The following TNFRSF10D variants were observed in gnomAD, a reference collection of about 807,000 sequenced individuals.
The protein encoded by TNFRSF10D is tumor necrosis factor receptor superfamily member 10D.
In TNFRSF10D, 28 loss-of-function variants were observed where a neutral mutation model predicts 42.1. That is an observed-to-expected ratio of 0.66 (90% CI 0.49 to 0.91). TNFRSF10D has a LOEUF of 0.91. Among genes scored for constraint, TNFRSF10D ranks in the 40% least tolerant of loss-of-function variants. The pLI is 0.00. For synonymous variants in TNFRSF10D, 186 were observed against 189.4 expected (o/e 0.98, Z 0.15); for missense variants, 503 against 486.1 (o/e 1.03, Z -0.33).
chr8:23,160,597 C>A (rs946395773), intron 1 of TNFRSF10D, among the ~76,000 whole-genome samples: 6 of 152,034 alleles, frequency 3.9e-5, no homozygotes, highest in African/African-American at 1.5e-4. Context: ...AAATCCACTA[C>A]ACGAAGATGT....
intron 7 of TNFRSF10D, among the ~76,000 whole-genome samples, chr8:23,140,385 C>T (rs1814441212): frequency 9.5e-6 from 1 of 105,414 alleles, no homozygotes; most frequent in East Asian, 2.3e-4. Flanking sequence ...GACACACACA[C>T]ACACACACAC....
Position 23,137,768 on chromosome 8 carries a change from T to G in TNFRSF10D, c.*102A>C. The G allele has an allele frequency of 6.8e-7, 1 of 1,462,692 alleles. No homozygotes were observed. Among genetic ancestry groups the G allele is most frequent in the Non-Finnish European group, 9.2e-7 (1 of 1,089,066 alleles). The allele number at this position is 1,462,692 out of a possible 1,614,324, so 90.6% of individuals were successfully genotyped here. On this transcript the variant is annotated 3_prime_UTR_variant, in exon 9 of 9. Coordinates refer to ENST00000312584, the MANE Select transcript of TNFRSF10D (RefSeq NM_003840.5). ...CTGCCCCATATTGGATAGTAGAGTTTGTTGGGGCATGGGTCAAGTACTGGA... is the reference window on the plus strand; with the variant it reads ...CTGCCCCATATTGGATAGTAGAGTTGGTTGGGGCATGGGTCAAGTACTGGA...
chr8:23,148,064 CCCAAAA>C (rs1214815892), intron 3 of TNFRSF10D, among the ~76,000 whole-genome samples: 7 of 49,214 alleles, frequency 1.4e-4, no homozygotes, highest in Admixed American at 2.6e-4. Flanking sequence ...GACTCCGTCT[CCCAAAA>C]AAAAAAAAAA....
rs541806337 is a variant in TNFRSF10D, at chr8:23,160,078, A to G, written c.150+3708T>C. Among the ~76,000 whole-genome samples the G allele has an allele frequency of 4.5e-4, 68 of 152,250 alleles. 1 individual carries two copies. The South Asian group carries it at 0.011, about 25-fold the overall frequency. ...GGCCTCTCTGGAGGAGGGGGAGGCA[A>G]TGGTGGTGAGATATCAGGCCTCCCT... On this transcript the variant is annotated intron_variant, in intron 1 of 8. Transcript: ENST00000312584.
At chr8:23,138,345 C>T in intron 7 of TNFRSF10D, 85 bp from the exon 8 acceptor site, 1 of 1,449,554 alleles carries the variant, frequency 6.9e-7, no homozygotes, top group South Asian at 1.1e-5. Context: ...CAGCAAGAGA[C>T]CTGCAGCGCT....
chr8:23,149,054 G>A (rs1055879545), intron 2 of TNFRSF10D, among the ~76,000 whole-genome samples: 45 of 151,034 alleles, frequency 3.0e-4, no homozygotes, highest in African/African-American at 1.1e-3. Flanking sequence ...GCCGGGCGTG[G>A]TGGCAGGCAC....
intron 4 of TNFRSF10D, 118 bp from the exon 5 acceptor site, chr8:23,146,039 C>T: frequency 1.4e-6 from 2 of 1,409,736 alleles, no homozygotes; most frequent in Non-Finnish European, 2.0e-6. Context: ...GGACAGGCTC[C>T]TCGTGTCAGC....
At chr8:23,146,519 C>T (rs186735378) in intron 4 of TNFRSF10D, among the ~76,000 whole-genome samples, 939 of 152,094 alleles carry the variant, frequency 6.2e-3, no homozygotes, top group African/African-American at 0.019. Context: ...TTGTGGGCTA[C>T]GGACACTTTT....
intron 1 of TNFRSF10D, among the ~76,000 whole-genome samples, chr8:23,159,629 T>G (rs1277336732): frequency 6.6e-6 from 1 of 151,980 alleles, no homozygotes; most frequent in East Asian, 1.9e-4. Flanking sequence ...TTTGGAAGGC[T>G]GAGATGGGCG....
chr8:23,160,566 C>G (rs985264795), intron 1 of TNFRSF10D, among the ~76,000 whole-genome samples: 2 of 152,164 alleles, frequency 1.3e-5, no homozygotes, highest in African/African-American at 4.8e-5. Context: ...AACCTGCCCT[C>G]ATGTCCCCTG....
chr8:23,156,896 T>G (rs1341428199), intron 1 of TNFRSF10D, among the ~76,000 whole-genome samples: 5 of 152,240 alleles, frequency 3.3e-5, no homozygotes, highest in Non-Finnish European at 7.3e-5. Flanking sequence ...GTGGTTTCTA[T>G]TCTATTTCCT....
chr8:23,143,357 AGTGGCTTATGCCT>A (rs1252512897), intron 7 of TNFRSF10D, among the ~76,000 whole-genome samples: 1 of 142,928 alleles, frequency 7.0e-6, no homozygotes, highest in African/African-American at 2.5e-5. Flanking sequence ...GGCCAGGTGC[AGTGGCTTATGCCT>A]GTAATCCCAC....
intron 1 of TNFRSF10D, among the ~76,000 whole-genome samples, chr8:23,159,243 G>A (rs1585266165): frequency 2.0e-5 from 3 of 152,200 alleles, no homozygotes; most frequent in Middle Eastern, 3.4e-3. Context: ...GTGAGCCATC[G>A]CACCTGCCCA....
In TNFRSF10D at chr8:23,144,298, C is replaced by G. The variant is rs1800077424; in HGVS notation, c.954+152G>C. ...CTGCAGACTGGCACGGTCACCACCT[C>G]AGTGCAGCTGCTCCGTCCCCTGCAG... On this transcript the variant is annotated intron_variant, in intron 7 of 8. Coordinates refer to ENST00000312584, the MANE Select transcript of TNFRSF10D (RefSeq NM_003840.5). The G allele has an allele frequency of 1.2e-5, 10 of 826,768 alleles. No individual in the cohort carries two copies. The South Asian group carries it at 1.7e-4, about 14-fold the overall frequency. The allele number at this position is 826,768 out of a possible 1,614,324, so 51.2% of individuals were successfully genotyped here. A position where few individuals can be genotyped will look rare whatever the true frequency, so the allele number is the denominator to read the frequency against.
intron 7 of TNFRSF10D, among the ~76,000 whole-genome samples, chr8:23,139,776 C>T (rs1217221958): frequency 6.6e-6 from 1 of 152,220 alleles, no homozygotes; most frequent in Non-Finnish European, 1.5e-5. Context: ...CCTTGGAAAC[C>T]CTAAATACTC....
In TNFRSF10D at chr8:23,147,013, C is replaced by G. The variant is rs748742435; in HGVS notation, c.430G>C (p.Gly144Arg). ...GGGGAGTTTTTATCCTGGAAGCTTC[C>G]TTTTTCACACTGACACACGGTGTCT... ...TRDTVCQCEKGSFQDKNSPEM... is the reference protein window; with the variant it reads ...TRDTVCQCEKRSFQDKNSPEM... The change falls in exon 4 of 9, where the codon GGA (glycine) becomes CGA (arginine). Residue 144 changes from glycine to arginine, a missense_variant. Gly to Arg is a moderately radical substitution (Grantham distance 125, BLOSUM62 -2). Coordinates refer to ENST00000312584, the MANE Select transcript of TNFRSF10D (RefSeq NM_003840.5). 2 of 1,613,628 alleles carry G rather than the reference C, an allele frequency of 1.2e-6. No individual in the cohort carries two copies. The highest frequency in any genetic ancestry group is 3.3e-5 in the Admixed American group (2 of 60,004).
intron 5 of TNFRSF10D, 96 bp downstream of exon 5, chr8:23,145,572 A>G (rs1800106788): frequency 1.9e-6 from 3 of 1,577,066 alleles, no homozygotes. Flanking sequence ...AGACGCTTGG[A>G]CCAGGGGCAG....
chr8:23,141,670 CAT>C (rs992213950), intron 7 of TNFRSF10D, among the ~76,000 whole-genome samples: 4 of 151,798 alleles, frequency 2.6e-5, no homozygotes, highest in South Asian at 2.1e-4. Flanking sequence ...CATGAACACA[CAT>C]GTCTCAAAAG....
intron 2 of TNFRSF10D, among the ~76,000 whole-genome samples, chr8:23,151,903 A>C (rs1800216593): frequency 6.6e-6 from 1 of 152,158 alleles, no homozygotes; most frequent in African/African-American, 2.4e-5. Context: ...AGTGGCTATA[A>C]ATTCTAGCCT....
Sources: gnomAD v4.1 joint callset for allele counts (sites outside exome capture counted in the v4.1 genomes callset) on GRCh38, gnomAD v4.1.1 for gene constraint, MANE v1.5 for transcripts, NCBI Gene and HGNC (gene_info 2026-07-23, HGNC 2026-07-21) for gene names.